Variants in ENTREP3 observed in about 807,000 individuals in gnomAD.
ENTREP3 encodes the protein protein ENTREP3.
the ENTREP3 span, chr1:155,254,701 G>C: frequency 6.2e-7 from 1 of 1,607,590 alleles, no homozygotes; most frequent in Admixed American, 1.7e-5. This position sits in a 1 kb window ranked among gnomAD's most constrained non-coding sequence, Gnocchi z 4.4. Flanking sequence ...TCTCGGTGGT[G>C]GTGACGGAAG....
the ENTREP3 span, chr1:155,247,809 G>C: frequency 2.7e-6 from 4 of 1,469,278 alleles, no homozygotes; most frequent in Non-Finnish European, 3.6e-6. Context: ...GGCTGCCCCC[G>C]TTGAGGCTGA....
chr1:155,255,044 G>A, the ENTREP3 span: 199 of 614,436 alleles, frequency 3.2e-4, no homozygotes, highest in Middle Eastern at 2.6e-3. The surrounding 1 kb of genome is among the most constrained non-coding windows in gnomAD (Gnocchi z 5.6). Context: ...CTGTGGGGGG[G>A]GCCAAGCGAG....
chr1:155,254,897 G>A, the ENTREP3 span: 1 of 1,541,128 alleles, frequency 6.5e-7, no homozygotes, highest in Admixed American at 2.0e-5. This position sits in a 1 kb window ranked among gnomAD's most constrained non-coding sequence, Gnocchi z 4.4. Flanking sequence ...CCGGTTGCCT[G>A]CGCCTCGCTC....
the ENTREP3 span, chr1:155,252,692 A>ATG: frequency 9.2e-5 from 3 of 32,782 alleles, no homozygotes; most frequent in African/African-American, 5.0e-4. Context: ...TTTTGTGTGT[A>ATG]TATATATATA....
At chr1:155,248,386 C>T in the ENTREP3 span, 32 of 1,613,860 alleles carry the variant, frequency 2.0e-5, no homozygotes, top group Admixed American at 1.0e-4. Context: ...ATCCCTGGGG[C>T]GCAAACCACA....
At chr1:155,248,505 T>C in the ENTREP3 span, 6 of 1,597,358 alleles carry the variant, frequency 3.8e-6, no homozygotes, top group South Asian at 2.2e-5. Context: ...AGACAGGGAG[T>C]GAGTGGAAGT....
chr1:155,247,992 G>C, the ENTREP3 span: 1 of 1,612,534 alleles, frequency 6.2e-7, no homozygotes, highest in Non-Finnish European at 8.5e-7. Context: ...CATCAATAAG[G>C]CTCAATCTGA....
chr1:155,251,061 C>T, the ENTREP3 span: 17 of 1,589,334 alleles, frequency 1.1e-5, no homozygotes, highest in Admixed American at 6.8e-5. Flanking sequence ...CTGGCAGCCC[C>T]GCCCTTGTCC....
chr1:155,251,695 T>C, the ENTREP3 span: 12 of 1,610,836 alleles, frequency 7.4e-6, no homozygotes, highest in African/African-American at 6.7e-5. Context: ...CCCAGTCCCC[T>C]TCCTTAGCTC....
At chr1:155,247,660 C>CT in the ENTREP3 span, 1 of 964,118 alleles carries the variant, frequency 1.0e-6, no homozygotes, top group Non-Finnish European at 1.6e-6. Flanking sequence ...GAAAGGGACA[C>CT]TTTGGGGGGT....
chr1:155,250,043 G>A, the ENTREP3 span, among the ~76,000 whole-genome samples: 1 of 151,808 alleles, frequency 6.6e-6, no homozygotes, highest in Non-Finnish European at 1.5e-5. This position sits in a 1 kb window ranked among gnomAD's most constrained non-coding sequence, Gnocchi z 5.4. Context: ...GGGCGACAGA[G>A]CCAGAGACTC....
the ENTREP3 span, among the ~76,000 whole-genome samples, chr1:155,249,845 G>A: frequency 2.0e-5 from 3 of 149,894 alleles, no homozygotes; most frequent in South Asian, 4.2e-4. Context: ...CAGATCGCGC[G>A]GCTGCACTCC....
At chr1:155,249,092 T>C in the ENTREP3 span, among the ~76,000 whole-genome samples, 1 of 151,818 alleles carries the variant, frequency 6.6e-6, no homozygotes, top group East Asian at 1.9e-4. Context: ...TTTTGTTTGT[T>C]TGTTTGTGTT....
At chr1:155,250,838 G>C in the ENTREP3 span, 13 of 1,584,034 alleles carry the variant, frequency 8.2e-6, no homozygotes, top group Non-Finnish European at 1.0e-5. The surrounding 1 kb of genome is among the most constrained non-coding windows in gnomAD (Gnocchi z 5.4). Context: ...GCGGCAGGGG[G>C]CGCTGTGTAG....
chr1:155,247,962 A>G, the ENTREP3 span: 1 of 1,606,010 alleles, frequency 6.2e-7, no homozygotes, highest in Admixed American at 1.7e-5. Flanking sequence ...GCACCTGGAC[A>G]GGGACACAAG....
chr1:155,252,690 G>GTGTGTATATATA, the ENTREP3 span: 2 of 32,880 alleles, frequency 6.1e-5, no homozygotes, highest in African/African-American at 1.9e-4. Context: ...AATTTTGTGT[G>GTGTGTATATATA]TATATATATA....
chr1:155,251,524 A>G, the ENTREP3 span: 1 of 1,613,650 alleles, frequency 6.2e-7, no homozygotes, highest in African/African-American at 1.3e-5. Context: ...TCGTAGTCCC[A>G]TGACTGCCTC....
the ENTREP3 span, chr1:155,247,268 C>T: frequency 2.6e-6 from 1 of 382,770 alleles, no homozygotes; most frequent in African/African-American, 2.1e-5. Flanking sequence ...AAGAGCTTTA[C>T]AAACATTCTA....
chr1:155,251,088 T>C, the ENTREP3 span: 2,350 of 1,611,026 alleles, frequency 1.5e-3, 2 homozygotes, highest in Non-Finnish European at 1.9e-3. Context: ...CATTACGCCC[T>C]GCTCACCGTC....
Sources: gnomAD v4.1 joint callset for allele counts (sites outside exome capture counted in the v4.1 genomes callset) on GRCh38, gnomAD v4.1.1 for gene constraint, Gnocchi (gnomAD v3.1) non-coding constraint, MANE v1.5 for transcripts, NCBI Gene and HGNC (gene_info 2026-07-23, HGNC 2026-07-21) for gene names.